DCC: variants seen among roughly 807,000 people sequenced by gnomAD.
DCC encodes netrin receptor DCC.
In DCC, 58 loss-of-function variants were observed where a neutral mutation model predicts 172.5. That is an observed-to-expected ratio of 0.34 (90% CI 0.27 to 0.42). The LOEUF (loss-of-function observed/expected upper bound fraction) is 0.42. Ranked by LOEUF, DCC falls within the 10% of genes least tolerant of loss-of-function variation. The probability of loss-of-function intolerance (pLI) is 1.00; values close to 1 mark genes in which losing one functional copy is unlikely to be tolerated. For missense variants in DCC, 1,740 were observed against 1,791.0 expected (o/e 0.97, Z 0.51); for synonymous variants, 709 against 644.5 (o/e 1.10, Z -1.52).
At chr18:53,295,613 C>T (rs937190910) in intron 12 of DCC, among the ~76,000 whole-genome samples, 4 of 152,054 alleles carry the variant, frequency 2.6e-5, no homozygotes, top group African/African-American at 9.7e-5. Context: ...AACATTTGTT[C>T]TGAATGATGA....
chr18:53,104,469 C>T (rs1404528765), intron 7 of DCC, among the ~76,000 whole-genome samples: 1 of 152,066 alleles, frequency 6.6e-6, no homozygotes, highest in East Asian at 1.9e-4. Flanking sequence ...TCCTCCTTGC[C>T]TTCCACCATG....
At chr18:52,886,741 A>T (rs1382884311) in intron 2 of DCC, among the ~76,000 whole-genome samples, 1 of 151,884 alleles carries the variant, frequency 6.6e-6, no homozygotes, top group Non-Finnish European at 1.5e-5. Context: ...TGAAGTTAAA[A>T]CCATGCACTG....
In DCC at chr18:52,371,531, G is replaced by T. The variant is rs1057018931; in HGVS notation, c.91+30653G>T. Among the ~76,000 whole-genome samples, 13 of 152,164 alleles carry T rather than the reference G, an allele frequency of 8.5e-5. 1 individual carries two copies. Among genetic ancestry groups the T allele is most frequent in the Admixed American group, 5.2e-4 (8 of 15,272 alleles). ...TCAGAACGAAAAGTGTTTGTTAGTT[G>T]TTAACTCTTTTAATTCCATTTTACC... is the stretch of plus-strand genomic sequence containing the variant. On this transcript the variant is annotated intron_variant, in intron 1 of 28. Transcript: ENST00000442544.
chr18:52,541,875 G>GTATATATATGTATA (rs1555695201), intron 1 of DCC, among the ~76,000 whole-genome samples: 1 of 115,202 alleles, frequency 8.7e-6, no homozygotes, highest in Non-Finnish European at 1.8e-5. Flanking sequence ...GTGTGTGTGT[G>GTATATATATGTATA]TATATATATA....
rs868314702 is a variant in DCC at position 52,986,835 on chromosome 18, T to C, written c.985+61465T>C. ...ATATATACACACACACACATATACA[T>C]ACACACACACACACACACACACAAA... On this transcript the variant is annotated intron_variant, in intron 5 of 28. Coordinates refer to ENST00000442544, the MANE Select transcript of DCC (RefSeq NM_005215.4). Among the ~76,000 whole-genome samples the C allele has an allele frequency of 2.2e-4, 30 of 136,044 alleles. No homozygotes were observed. The East Asian group carries it at 6.6e-3, about 30-fold the overall frequency. The allele number at this position is 136,044 out of a possible 152,430, so 89.3% of individuals were successfully genotyped here.
At chr18:52,915,603 T>C (rs1433850862) in intron 3 of DCC, among the ~76,000 whole-genome samples, 5 of 152,154 alleles carry the variant, frequency 3.3e-5, no homozygotes, top group African/African-American at 1.2e-4. Context: ...ATATATTAAG[T>C]GTAAATAAAT....
intron 2 of DCC, among the ~76,000 whole-genome samples, chr18:52,840,521 T>A (rs1300157103): frequency 6.6e-6 from 1 of 152,178 alleles, no homozygotes; most frequent in Non-Finnish European, 1.5e-5. Context: ...GCTTGGTATT[T>A]TTTTCATGGA....
chr18:52,789,209 G>C (rs534565783), intron 2 of DCC, among the ~76,000 whole-genome samples: 1 of 152,276 alleles, frequency 6.6e-6, no homozygotes, highest in Admixed American at 6.5e-5. Flanking sequence ...TTGGTTTTGA[G>C]AGGGAATTAT....
In DCC at chr18:53,179,223, G is replaced by C; in HGVS notation, c.1573+107G>C. On this transcript the variant is annotated intron_variant, in intron 9 of 28. Transcript: ENST00000442544. ...TGCGAAGTGACAAAAGCGAAGAAGA[G>C]TTTTTTTTCTTCTAAGTAAACTTAT... The C allele has an allele frequency of 2.7e-6, 3 of 1,128,048 alleles. 1 individual carries two copies. In the South Asian group the frequency reaches 4.0e-5, roughly 15 times the overall value. The allele number at this position is 1,128,048 out of a possible 1,614,324, so 69.9% of individuals were successfully genotyped here. A position where few individuals can be genotyped will look rare whatever the true frequency, so the allele number is the denominator to read the frequency against.
At chr18:53,403,807 C>A (rs934945327) in intron 19 of DCC, among the ~76,000 whole-genome samples, 12 of 152,114 alleles carry the variant, frequency 7.9e-5, no homozygotes. Context: ...ATTATACTTT[C>A]AGAAGGCACA....
rs1380120215 is a variant in DCC, at chr18:53,532,930, G to T, written c.*2277G>T. Reference sequence around the variant, plus strand: ...AAATCCATTTAAATACATGTTATTTGTCTTCAGTGGAAGTTATATTTCTGC... The same window carrying T: ...AAATCCATTTAAATACATGTTATTTTTCTTCAGTGGAAGTTATATTTCTGC... On this transcript the variant is annotated 3_prime_UTR_variant, in exon 29 of 29. Coordinates refer to ENST00000442544, the MANE Select transcript of DCC (RefSeq NM_005215.4). The T allele has an allele frequency of 6.6e-6, 1 of 151,186 alleles. No individual in the cohort carries two copies. Among genetic ancestry groups the T allele is most frequent in the African/African-American group, 2.4e-5 (1 of 41,148 alleles). The allele number at this position is 151,186 out of a possible 1,614,324, so 9.4% of individuals were successfully genotyped here.
chr18:53,344,337 A>G (rs961060816), intron 15 of DCC, among the ~76,000 whole-genome samples: 7 of 150,610 alleles, frequency 4.6e-5, no homozygotes, highest in African/African-American at 1.7e-4. Flanking sequence ...GTGATGTGTT[A>G]TTCTCCCTAA....
chr18:53,040,283 G>C (rs1599056915), intron 5 of DCC, among the ~76,000 whole-genome samples: 1 of 152,018 alleles, frequency 6.6e-6, no homozygotes, highest in East Asian at 1.9e-4. Flanking sequence ...CCAATAACCT[G>C]TTTTACTAAT....
chr18:52,353,769 G>C (rs1984236596), intron 1 of DCC, among the ~76,000 whole-genome samples: 2 of 152,152 alleles, frequency 1.3e-5, no homozygotes, highest in Non-Finnish European at 2.9e-5. Context: ...GCGCAGATTG[G>C]ATCAATCTGA....
intron 2 of DCC, among the ~76,000 whole-genome samples, chr18:52,874,481 T>C (rs1392887504): frequency 4.6e-5 from 7 of 152,160 alleles, no homozygotes; most frequent in Non-Finnish European, 1.5e-5. Flanking sequence ...AATTTTTAGT[T>C]TATTATTCTT....
At chr18:52,770,628 A>G (rs2037325617) in intron 2 of DCC, among the ~76,000 whole-genome samples, 1 of 151,510 alleles carries the variant, frequency 6.6e-6, no homozygotes, top group Admixed American at 6.6e-5. Flanking sequence ...AACTGGAATC[A>G]TCAGAACTGC....
chr18:52,598,643 G>A (rs1259239496), intron 1 of DCC, among the ~76,000 whole-genome samples: 3 of 152,200 alleles, frequency 2.0e-5, no homozygotes, highest in African/African-American at 7.2e-5. Flanking sequence ...GCGGATCATA[G>A]CCCATGTAGC....
intron 2 of DCC, among the ~76,000 whole-genome samples, chr18:52,893,949 A>G (rs534551749): frequency 1.6e-4 from 25 of 152,170 alleles, no homozygotes; most frequent in Non-Finnish European, 3.4e-4. Flanking sequence ...GAGAAAAAAC[A>G]TAAGTTTTCG....
chr18:52,527,023 A>G (rs748801641), intron 1 of DCC, among the ~76,000 whole-genome samples: 1 of 152,186 alleles, frequency 6.6e-6, no homozygotes, highest in Non-Finnish European at 1.5e-5. Context: ...AGAAAGCTCA[A>G]TGGGAACCTT....
Sources: allele counts gnomAD v4.1 joint callset (sites outside exome capture counted in the v4.1 genomes callset), GRCh38; gene constraint gnomAD v4.1.1; transcripts MANE v1.5; gene names NCBI Gene and HGNC (gene_info 2026-07-23, HGNC 2026-07-21).